EBF2: variants seen among roughly 807,000 people sequenced by gnomAD.
EBF2 encodes the protein EBF transcription factor 2, also known as transcription factor COE2.
A neutral mutation model predicts 72.8 loss-of-function variants in EBF2; 21 were observed. That is an observed-to-expected ratio of 0.29 (90% CI 0.20 to 0.42). The LOEUF (loss-of-function observed/expected upper bound fraction) is 0.42. Among genes scored for constraint, EBF2 ranks in the 10% least tolerant of loss-of-function variants. The probability of loss-of-function intolerance (pLI) is 1.00; values close to 1 mark genes in which losing one functional copy is unlikely to be tolerated. For missense variants in EBF2, 637 were observed against 731.2 expected, an observed-to-expected ratio of 0.87 and a Z score of 1.49; for synonymous variants, 299 against 274.2, an observed-to-expected ratio of 1.09 and a Z score of -0.89.
intron 6 of EBF2, among the ~76,000 whole-genome samples, chr8:25,996,511 A>C (rs1804634329): frequency 6.6e-6 from 1 of 152,146 alleles, no homozygotes; most frequent in South Asian, 2.1e-4. Context: ...TTATCAGAAA[A>C]AAAATTACTG....
Position 25,935,356 on chromosome 8 carries a change from G to T in EBF2, c.552-26801C>A, listed in dbSNP as rs17236970. 6.4e-3 allele frequency among the ~76,000 whole-genome samples: 970 copies of T among 152,192 alleles called. 6 individuals carry two copies. The highest frequency in any genetic ancestry group is 0.021 in the African/African-American group (874 of 41,510). On this transcript the variant is annotated intron_variant, in intron 6 of 15. Transcript: ENST00000520164. ...GCAGCTCATCCCTTTACAACATGGG[G>T]TTCCCTTAGAGAATTCCCTGTTTAC...
chr8:25,926,157 G>A (rs986845084), intron 6 of EBF2, among the ~76,000 whole-genome samples: 11 of 152,080 alleles, frequency 7.2e-5, no homozygotes, highest in African/African-American at 2.7e-4. Context: ...TGAGGGCTCT[G>A]TGTCCCCAGG....
In EBF2 at chr8:25,866,608, TTTATA is replaced by T. The variant is rs1379834784; in HGVS notation, c.1010-3816_1010-3812del. Among the ~76,000 whole-genome samples, 3 of 138,768 alleles carry T rather than the reference TTTATA, an allele frequency of 2.2e-5. No individual in the cohort carries two copies. In the Admixed American group the frequency reaches 2.3e-4, roughly 11 times the overall value. 91.0% of individuals were successfully genotyped at this position (138,768 alleles called of 152,430 possible). ...AATTTTTATATAATATAATATAATG[TTTATA>T]TTATATTATATATATATATATATTT... On this transcript the variant is annotated intron_variant, in intron 10 of 15. Coordinates refer to ENST00000520164, the MANE Select transcript of EBF2 (RefSeq NM_022659.4).
intron 6 of EBF2, among the ~76,000 whole-genome samples, chr8:25,923,728 C>G (rs1225404976): frequency 6.6e-6 from 1 of 152,154 alleles, no homozygotes; most frequent in Non-Finnish European, 1.5e-5. Context: ...CTAGTGAGGG[C>G]CAGGTCATGG....
chr8:25,932,421 A>C (rs969561619), intron 6 of EBF2, among the ~76,000 whole-genome samples: 3 of 151,776 alleles, frequency 2.0e-5, no homozygotes, highest in African/African-American at 7.3e-5. Context: ...GATGCTACTG[A>C]ATCTGGAGCA....
chr8:25,928,782 G>GAAAAAAAA lies in EBF2; in HGVS notation c.552-20235_552-20228dup, dbSNP rs71551838. Among the ~76,000 whole-genome samples, 15 of 110,368 alleles carry GAAAAAAAA rather than the reference G, an allele frequency of 1.4e-4. 1 individual carries two copies. The highest frequency in any genetic ancestry group is 1.9e-4 in the Non-Finnish European group (11 of 58,054). The allele number at this position is 110,368 out of a possible 152,430, so 72.4% of individuals were successfully genotyped here. On this transcript the variant is annotated intron_variant, in intron 6 of 15. Coordinates refer to ENST00000520164, the MANE Select transcript of EBF2 (RefSeq NM_022659.4). ...ATTAATAATAAAATGATTTTTAAAT[G>GAAAAAAAA]AAAAAAAAAAAAAAAAAAACCAGGG...
rs1208121379 is a variant in EBF2 at position 25,908,459 on chromosome 8, T to C, written c.633+15A>G. 2 of 1,590,076 alleles carry C rather than the reference T, an allele frequency of 1.3e-6. No individual in the cohort carries two copies. The highest frequency in any genetic ancestry group is 2.2e-5 in the South Asian group (2 of 89,796). Reference sequence around the variant, plus strand: ...GATGACTTATTTAACAGGAAAGATCTGCAGGGCCCCTTACCTGAAACCGTC... The same window carrying C: ...GATGACTTATTTAACAGGAAAGATCCGCAGGGCCCCTTACCTGAAACCGTC... On this transcript the variant is annotated intron_variant, in intron 7 of 15. Transcript: ENST00000520164.
intron 7 of EBF2, among the ~76,000 whole-genome samples, chr8:25,891,109 A>G (rs1802771147): frequency 2.0e-5 from 3 of 152,230 alleles, no homozygotes; most frequent in African/African-American, 7.2e-5. Context: ...CTAACCTAAA[A>G]GAGTTTATTT....
intron 5 of EBF2, among the ~76,000 whole-genome samples, chr8:26,034,603 C>T (rs1805466030): frequency 6.6e-6 from 1 of 152,192 alleles, no homozygotes; most frequent in East Asian, 1.9e-4. Context: ...AATTCACTCC[C>T]TTACCACCAG....
At chr8:26,021,889 C>A (rs987994212) in intron 6 of EBF2, among the ~76,000 whole-genome samples, 5 of 152,198 alleles carry the variant, frequency 3.3e-5, no homozygotes, top group Non-Finnish European at 5.9e-5. Context: ...ACAAGAACAG[C>A]AGCCACTTTG....
intron 6 of EBF2, among the ~76,000 whole-genome samples, chr8:26,011,380 C>A (rs1183591877): frequency 1.3e-5 from 2 of 151,898 alleles, no homozygotes; most frequent in African/African-American, 4.8e-5. Flanking sequence ...CCTCTAGTTG[C>A]CTGGCTTTAA....
intron 6 of EBF2, among the ~76,000 whole-genome samples, chr8:25,993,363 T>C (rs1804575404): frequency 6.6e-6 from 1 of 152,220 alleles, no homozygotes; most frequent in Non-Finnish European, 1.5e-5. Context: ...GACCTTCTGC[T>C]AACAGCCCCT....
intron 14 of EBF2, among the ~76,000 whole-genome samples, chr8:25,852,649 C>T (rs756454811): frequency 1.3e-5 from 2 of 152,172 alleles, no homozygotes; most frequent in Non-Finnish European, 2.9e-5. Context: ...ACACCTCAAG[C>T]TTTACTAAGT....
At chr8:26,040,917 C>A in intron 3 of EBF2, 22 bp downstream of exon 3, 1 of 1,613,904 alleles carries the variant, frequency 6.2e-7, no homozygotes, top group South Asian at 1.1e-5. Flanking sequence ...CGCCGGCTCA[C>A]CGTTGCTGTA....
At chr8:26,025,219 G>A (rs1805282314) in intron 6 of EBF2, among the ~76,000 whole-genome samples, 1 of 152,052 alleles carries the variant, frequency 6.6e-6, no homozygotes, top group Non-Finnish European at 1.5e-5. Flanking sequence ...AGAAAGGATG[G>A]GATTCGAATG....
At chr8:25,875,776 T>G (rs1318769581) in intron 10 of EBF2, among the ~76,000 whole-genome samples, 1 of 152,192 alleles carries the variant, frequency 6.6e-6, no homozygotes, top group African/African-American at 2.4e-5. Flanking sequence ...AAGCAGAACT[T>G]AGGCCTCACA....
At chr8:25,958,942 C>T (rs1803992573) in intron 6 of EBF2, among the ~76,000 whole-genome samples, 1 of 152,198 alleles carries the variant, frequency 6.6e-6, no homozygotes, top group Non-Finnish European at 1.5e-5. Context: ...TTACCCAGCT[C>T]TAAGTGCCAC....
chr8:26,024,926 T>C (rs13254471), intron 6 of EBF2, among the ~76,000 whole-genome samples: 147,529 of 152,294 alleles, frequency 0.97, 71,468 homozygotes, highest in East Asian at 1. Flanking sequence ...AATTATAATA[T>C]AATTGGAAAT....
chr8:25,849,946 G>A (rs927020818), intron 15 of EBF2, among the ~76,000 whole-genome samples: 3 of 152,142 alleles, frequency 2.0e-5, no homozygotes, highest in Admixed American at 6.5e-5. Flanking sequence ...AAAGCACCAT[G>A]TGGTATCCCC....
Sources: allele counts gnomAD v4.1 joint callset (sites outside exome capture counted in the v4.1 genomes callset), GRCh38; gene constraint gnomAD v4.1.1; transcripts MANE v1.5; gene names NCBI Gene and HGNC (gene_info 2026-07-23, HGNC 2026-07-21).